The following GPC5 variants were observed in gnomAD, a reference collection of about 807,000 sequenced individuals.
The protein encoded by GPC5 is glypican 5.
In GPC5, 47 loss-of-function variants were observed where a neutral mutation model predicts 53.9. The ratio of observed to expected loss-of-function variants is 0.87; its 90% CI spans 0.69 to 1.11. GPC5 has a LOEUF of 1.11. Ranked by LOEUF, GPC5 falls within the 50% of genes most tolerant of loss-of-function variation. The probability of loss-of-function intolerance (pLI) is 0.00; values close to 1 mark genes in which losing one functional copy is unlikely to be tolerated. For synonymous variants in GPC5, 286 were observed against 263.3 expected (o/e 1.09, Z -0.84); for missense variants, 748 against 713.1 (o/e 1.05, Z -0.56).
At chr13:91,579,260 G>A (rs1024170156) in intron 2 of GPC5, among the ~76,000 whole-genome samples, 2 of 152,096 alleles carry the variant, frequency 1.3e-5, no homozygotes, top group African/African-American at 2.4e-5. Flanking sequence ...CCTTTGGCCC[G>A]GCATGTCCTT....
chr13:92,804,423 C>T (rs955802972), intron 7 of GPC5, among the ~76,000 whole-genome samples: 2 of 151,914 alleles, frequency 1.3e-5, no homozygotes, highest in Admixed American at 6.6e-5. Context: ...AAGATATTTT[C>T]GGTTTCCTCA....
At chr13:92,209,795 G>T (rs1238009102) in intron 7 of GPC5, among the ~76,000 whole-genome samples, 1 of 152,050 alleles carries the variant, frequency 6.6e-6, no homozygotes, top group Non-Finnish European at 1.5e-5. Context: ...TAATAGGATA[G>T]ATATATATAT....
chr13:92,487,357 T>G (rs141904884), intron 7 of GPC5, among the ~76,000 whole-genome samples: 1 of 152,192 alleles, frequency 6.6e-6, no homozygotes, highest in Non-Finnish European at 1.5e-5. Context: ...TATACAACTG[T>G]CACTGGCACT....
chr13:91,503,531 T>A (rs1293750082), intron 2 of GPC5, among the ~76,000 whole-genome samples: 2 of 151,922 alleles, frequency 1.3e-5, no homozygotes, highest in East Asian at 1.9e-4. Flanking sequence ...CCTATAATCC[T>A]AGCATTTCGG....
At chr13:92,360,687 C>T (rs747747928) in intron 7 of GPC5, among the ~76,000 whole-genome samples, 1 of 151,620 alleles carries the variant, frequency 6.6e-6, no homozygotes. Flanking sequence ...AAAGTCAAAC[C>T]ATCCTTGTTT....
intron 7 of GPC5, among the ~76,000 whole-genome samples, chr13:92,633,235 A>G (rs1225414430): frequency 6.6e-6 from 1 of 152,120 alleles, no homozygotes; most frequent in African/African-American, 2.4e-5. Context: ...CTCATTCACT[A>G]TCATGAGAAC....
chr13:91,693,163 GT>G, intron 2 of GPC5, 23 bp from the exon 3 acceptor site: 2 of 1,557,914 alleles, frequency 1.3e-6, no homozygotes, highest in South Asian at 1.1e-5. Flanking sequence ...ACCTTCTCAT[GT>G]TTTACCTCTG....
intron 6 of GPC5, among the ~76,000 whole-genome samples, chr13:92,123,889 C>G (rs1057404872): frequency 7.9e-5 from 12 of 152,158 alleles, no homozygotes; most frequent in East Asian, 3.9e-4. Flanking sequence ...GTACCTTTTT[C>G]TACGAAGATG....
intron 5 of GPC5, among the ~76,000 whole-genome samples, chr13:91,760,417 G>C (rs1033807478): frequency 1.3e-5 from 2 of 152,176 alleles, no homozygotes; most frequent in Non-Finnish European, 2.9e-5. Context: ...CCTGCAGTTA[G>C]TTGAAGTAAG....
chr13:91,854,708 T>A (rs1049554109), intron 5 of GPC5, among the ~76,000 whole-genome samples: 2 of 151,860 alleles, frequency 1.3e-5, no homozygotes, highest in Admixed American at 6.6e-5. Context: ...AATTCATTTT[T>A]AATAAATAAC....
At chr13:92,810,141 TA>T (rs1877241791) in intron 7 of GPC5, among the ~76,000 whole-genome samples, 1 of 152,194 alleles carries the variant, frequency 6.6e-6, no homozygotes, top group Admixed American at 6.6e-5. Flanking sequence ...GTATGGAGGT[TA>T]TTGAAAAACC....
intron 7 of GPC5, among the ~76,000 whole-genome samples, chr13:92,587,021 A>C (rs1883559643): frequency 6.6e-6 from 1 of 152,066 alleles, no homozygotes; most frequent in Admixed American, 6.5e-5. Flanking sequence ...TTACTTAATG[A>C]GCTATTTTCT....
intron 7 of GPC5, among the ~76,000 whole-genome samples, chr13:92,209,915 A>C (rs139320502): frequency 4.5e-4 from 68 of 152,256 alleles, no homozygotes; most frequent in African/African-American, 1.5e-3. Flanking sequence ...CCCAAAGATG[A>C]AGAGCTTGGA....
chr13:92,672,067 G>A lies in GPC5; in HGVS notation c.1562-194215G>A, dbSNP rs537776279. On this transcript the variant is annotated intron_variant, in intron 7 of 7. Transcript: ENST00000377067. ...AATCTGACAATCCATGTTTAGCAGA[G>A]GGAAGGAAGCCAGGAATAGTTATTA... is the stretch of plus-strand genomic sequence containing the variant. Among the ~76,000 whole-genome samples the A allele has an allele frequency of 7.2e-5, 11 of 152,278 alleles. No homozygotes were observed. In the South Asian group the frequency reaches 2.3e-3, roughly 32 times the overall value.
intron 2 of GPC5, among the ~76,000 whole-genome samples, chr13:91,678,960 GTT>G (rs1261580144): frequency 2.6e-5 from 4 of 152,074 alleles, no homozygotes; most frequent in Non-Finnish European, 5.9e-5. Flanking sequence ...AGTTTACTCA[GTT>G]CTGTGGAGTT....
chr13:91,725,250 AT>A (rs2036552506), intron 3 of GPC5: 1 of 152,184 alleles, frequency 6.6e-6, no homozygotes, highest in Non-Finnish European at 1.5e-5. Context: ...GAGGAAAACA[AT>A]TTTTTCCAAG....
At chr13:92,597,957 A>G (rs1021298550) in intron 7 of GPC5, among the ~76,000 whole-genome samples, 1 of 152,206 alleles carries the variant, frequency 6.6e-6, no homozygotes, top group African/African-American at 2.4e-5. Context: ...TCCATCTGAA[A>G]TGAATGAATA....
intron 6 of GPC5, among the ~76,000 whole-genome samples, chr13:92,130,125 T>C (rs1854814): frequency 0.14 from 21,205 of 152,046 alleles, 1,625 homozygotes; most frequent in Admixed American, 0.18. Flanking sequence ...AATGGCATTT[T>C]AACATGCTGA....
At chr13:92,613,782 C>A (rs142419397) in intron 7 of GPC5, among the ~76,000 whole-genome samples, 1 of 148,262 alleles carries the variant, frequency 6.7e-6, no homozygotes, top group African/African-American at 2.5e-5. Context: ...CACTTGAGCA[C>A]GGAGGTCAAG....
Sources: gnomAD v4.1 joint callset for allele counts (sites outside exome capture counted in the v4.1 genomes callset) on GRCh38, gnomAD v4.1.1 for gene constraint, MANE v1.5 for transcripts, NCBI Gene and HGNC (gene_info 2026-07-23, HGNC 2026-07-21) for gene names.